Variants in SWSAP1 observed in about 807,000 individuals in gnomAD.
SWSAP1 encodes SWIM-type zinc finger 7 associated protein 1, also known as ATPase SWSAP1.
A neutral mutation model predicts 5.6 loss-of-function variants in SWSAP1; 4 were observed. That is an observed-to-expected ratio of 0.72 (90% CI 0.35 to 1.64). SWSAP1 has a LOEUF of 1.64. Among genes scored for constraint, SWSAP1 ranks in the 40% most tolerant of loss-of-function variants. SWSAP1 has a pLI of 0.05. For missense variants in SWSAP1, 354 were observed against 319.8 expected (o/e 1.11, Z -0.82); for synonymous variants, 139 against 143.3 (o/e 0.97, Z 0.22).
In SWSAP1 at chr19:11,374,863, G is replaced by A. The variant is rs1968257532; in HGVS notation, c.183G>A (p.Leu61=). 1 of 1,612,948 alleles carries A rather than the reference G, an allele frequency of 6.2e-7. No individual in the cohort carries two copies. Among genetic ancestry groups the A allele is most frequent in the African/African-American group, 1.3e-5 (1 of 74,908 alleles). The change falls in exon 1 of 2, where the codon CTG becomes CTA. Residue 61 remains leucine, a synonymous_variant. Transcript: ENST00000674460. The part of the protein sequence containing the change: ...AGEGQGPVLF[L]TRRPLQSMPR... ...AGGGCCAAGGCCCAGTCCTCTTCCT[G>A]ACACGAAGGCCTCTTCAAAGCATGC...
At chr19:11,375,437 A>C (rs1336361911) in intron 1 of SWSAP1, 76 bp from the exon 2 acceptor site, 3 of 1,525,480 alleles carry the variant, frequency 2.0e-6, no homozygotes, top group African/African-American at 1.4e-5. Context: ...GAAAGTATGC[A>C]AGGAGGCAGG....
chr19:11,375,803 G>A lies in SWSAP1; in HGVS notation c.540G>A (p.Gln180=), dbSNP rs1186822139. 2.5e-6 allele frequency: 4 copies of A among 1,614,062 alleles called. No individual in the cohort carries two copies. The Admixed American group carries it at 5.0e-5, about 20-fold the overall frequency. The change falls in exon 2 of 2, where the codon CAG becomes CAA. Residue 180 remains glutamine (Q), a synonymous_variant. Coordinates refer to ENST00000674460, the MANE Select transcript of SWSAP1 (RefSeq NM_175871.4). ...ACGTCCTGCACCTGGCACTGCTCCAGCGGTATTTTCCTGCCCAGTGCTGGC... is the reference window on the plus strand; with the variant it reads ...ACGTCCTGCACCTGGCACTGCTCCAACGGTATTTTCCTGCCCAGTGCTGGC... ...SGDVLHLALL[Q]RYFPAQCWLQ... is the part of the protein sequence containing the mutation.
In SWSAP1 at chr19:11,374,773, G is replaced by A; in HGVS notation, c.93G>A (p.Leu31=). ...NMPAAGPPLL[L]LGTPGSGKTA... ...CTGCCGCCGGACCGCCTTTGCTGCTGCTCGGTACACCAGGATCTGGAAAAA... is the reference window on the plus strand; with the variant it reads ...CTGCCGCCGGACCGCCTTTGCTGCTACTCGGTACACCAGGATCTGGAAAAA... The change falls in exon 1 of 2, where the codon CTG becomes CTA. Residue 31 remains leucine (L), a synonymous_variant. Transcript: ENST00000674460. The A allele has an allele frequency of 3.7e-6, 6 of 1,613,168 alleles. No homozygotes were observed. The highest frequency in any genetic ancestry group is 5.1e-6 in the Non-Finnish European group (6 of 1,179,806).
In SWSAP1 at chr19:11,375,554, C is replaced by A. The variant is rs778779252; in HGVS notation, c.291C>A (p.Phe97Leu). The change falls in exon 2 of 2, where the codon TTC becomes TTA. Residue 97 changes from phenylalanine to leucine, a missense_variant. By Grantham distance (22) the Phe-to-Leu change is conservative. Transcript: ENST00000674460. ...FQYPPSTREL[F>L]RLLCSAHEAP... ...ACCCACCCTCAACCCGAGAGCTTTT[C>A]CGGCTCCTGTGCTCTGCCCATGAGG... is the stretch of plus-strand genomic sequence containing the variant. The A allele has an allele frequency of 9.3e-6, 15 of 1,613,762 alleles. No individual in the cohort carries two copies. Among genetic ancestry groups the A allele is most frequent in the Non-Finnish European group, 1.7e-6 (2 of 1,179,798 alleles).
chr19:11,375,085 C>A, intron 1 of SWSAP1, 156 bp downstream of exon 1: 2 of 924,112 alleles, frequency 2.2e-6, no homozygotes, highest in Non-Finnish European at 3.3e-6. Flanking sequence ...TGAGGAGTGG[C>A]ACCACGCGGA....
At chr19:11,375,264 T>C (rs910993251) in intron 1 of SWSAP1, among the ~76,000 whole-genome samples, 2 of 151,924 alleles carry the variant, frequency 1.3e-5, no homozygotes, top group African/African-American at 4.8e-5. Flanking sequence ...CCGAGAATGC[T>C]GGGGGAGGGT....
At position 11,375,595 on chromosome 19, in the gene SWSAP1, C is replaced by T. The variant is rs767632624; in HGVS notation, c.332C>T (p.Pro111Leu). The change falls in exon 2 of 2, where the codon CCC (proline) becomes CTC (leucine). Residue 111 changes from proline (P) to leucine (L), a missense_variant. Physicochemically the swap from Pro to Leu is moderately conservative, Grantham distance 98. Transcript: ENST00000674460. ...GCCCATGAGGCCCCGGGGCCAGCCC[C>T]CTCCCTTCTGCTGCTCGACGGCCTA... ...CSAHEAPGPA[P>L]SLLLLDGLEE... 42 of 1,614,046 alleles carry T rather than the reference C, an allele frequency of 2.6e-5. No individual in the cohort carries two copies. The highest frequency in any genetic ancestry group is 2.0e-5 in the Non-Finnish European group (24 of 1,180,042).
Position 11,375,754 on chromosome 19 carries a change from C to T in SWSAP1, c.491C>T (p.Thr164Ile), listed in dbSNP as rs1432353773. 4 of 1,614,170 alleles carry T rather than the reference C, an allele frequency of 2.5e-6. No individual in the cohort carries two copies. In the Admixed American group the frequency reaches 5.0e-5, roughly 20 times the overall value. Residue 164 changes from threonine to isoleucine, a missense_variant, in exon 2 of 2, where the codon ACC (threonine) becomes ATC (isoleucine). Physicochemically the swap from Thr to Ile is moderately conservative, Grantham distance 89. Coordinates refer to ENST00000674460, the MANE Select transcript of SWSAP1 (RefSeq NM_175871.4). ...TGTGGGCTCATGGTGGCCCTCCAGACCCAGGAGGAAGCAGGTAGTGGGGAC... is the reference window on the plus strand; with the variant it reads ...TGTGGGCTCATGGTGGCCCTCCAGATCCAGGAGGAAGCAGGTAGTGGGGAC... ...RDCGLMVALQ[T>I]QEEAGSGDVL...
Position 11,374,892 on chromosome 19 carries a change from G to C in SWSAP1, c.212G>C (p.Arg71Pro), listed in dbSNP as rs966737377. The C allele has an allele frequency of 6.8e-6, 11 of 1,613,990 alleles. No individual in the cohort carries two copies. The highest frequency in any genetic ancestry group is 1.1e-5 in the South Asian group (1 of 91,086). The change falls in exon 1 of 2, where the codon CGC becomes CCC. Residue 71 changes from arginine (R) to proline (P), a missense_variant. Physicochemically the swap from Arg to Pro is moderately radical, Grantham distance 103 (BLOSUM62 -2). Coordinates refer to ENST00000674460, the MANE Select transcript of SWSAP1 (RefSeq NM_175871.4). ...LTRRPLQSMP[R>P]GTGTTLDPMR... ...CGAAGGCCTCTTCAAAGCATGCCCCGCGGGACCGGAACGACTCTAGACCCA... is the reference window on the plus strand; with the variant it reads ...CGAAGGCCTCTTCAAAGCATGCCCCCCGGGACCGGAACGACTCTAGACCCA...
chr19:11,375,392 T>A (rs1968264825), intron 1 of SWSAP1, 121 bp from the exon 2 acceptor site: 1 of 1,480,110 alleles, frequency 6.8e-7, no homozygotes, highest in Non-Finnish European at 9.0e-7. Context: ...ATAAGAATAT[T>A]TAACAGCTCT....
rs543788823 is a variant in SWSAP1, at chr19:11,375,556, G to C, written c.293G>C (p.Arg98Pro). Reference protein sequence around the residue: ...QYPPSTRELFRLLCSAHEAPG... With the variant: ...QYPPSTRELFPLLCSAHEAPG... Reference sequence around the variant, plus strand: ...CCACCCTCAACCCGAGAGCTTTTCCGGCTCCTGTGCTCTGCCCATGAGGCC... The same window carrying C: ...CCACCCTCAACCCGAGAGCTTTTCCCGCTCCTGTGCTCTGCCCATGAGGCC... The change falls in exon 2 of 2, where the codon CGG (arginine) becomes CCG (proline). Residue 98 changes from arginine to proline, a missense_variant. Coordinates refer to ENST00000674460, the MANE Select transcript of SWSAP1 (RefSeq NM_175871.4). The C allele has an allele frequency of 1.7e-5, 28 of 1,613,426 alleles. No individual in the cohort carries two copies. The highest frequency in any genetic ancestry group is 2.4e-5 in the Non-Finnish European group (28 of 1,179,744).
rs1274355231 is a variant in SWSAP1 at position 11,374,679 on chromosome 19, G to A, written c.-2G>A. ...CACCGATTGGTCAGAGCTACGCGGC[G>A]AATGGCGGAGACGCTGAGGCGGGTG... On this transcript the variant is annotated 5_prime_UTR_variant, in exon 1 of 2. Coordinates refer to ENST00000674460, the MANE Select transcript of SWSAP1 (RefSeq NM_175871.4). 7 of 1,520,378 alleles carry A rather than the reference G, an allele frequency of 4.6e-6. No individual in the cohort carries two copies. Among genetic ancestry groups the A allele is most frequent in the South Asian group, 2.5e-5 (2 of 80,922 alleles). The allele number at this position is 1,520,378 out of a possible 1,614,324, so 94.2% of individuals were successfully genotyped here.
Position 11,376,064 on chromosome 19 carries a change from A to C in SWSAP1, c.*48A>C, listed in dbSNP as rs1438207139. On this transcript the variant is annotated 3_prime_UTR_variant, in exon 2 of 2. Transcript: ENST00000674460. ...CTGTGCTTCAGTTTCCCATGGCTGG[A>C]ATACTTACCTCAGGGACATATGCAG... 4 of 1,488,164 alleles carry C rather than the reference A, an allele frequency of 2.7e-6. No individual in the cohort carries two copies. Among genetic ancestry groups the C allele is most frequent in the Non-Finnish European group, 3.6e-6 (4 of 1,109,956 alleles). 92.2% of individuals were successfully genotyped at this position (1,488,164 alleles called of 1,614,324 possible).
rs1263340038 is a variant in SWSAP1 at position 11,374,900 on chromosome 19, G to A, written c.220G>A (p.Gly74Arg). 4 of 1,613,922 alleles carry A rather than the reference G, an allele frequency of 2.5e-6. No homozygotes were observed. Among genetic ancestry groups the A allele is most frequent in the Non-Finnish European group, 3.4e-6 (4 of 1,180,022 alleles). The change falls in exon 1 of 2, where the codon GGA (glycine) becomes AGA (arginine). Residue 74 changes from glycine to arginine, a missense_variant. Physicochemically the swap from Gly to Arg is moderately radical, Grantham distance 125. Coordinates refer to ENST00000674460, the MANE Select transcript of SWSAP1 (RefSeq NM_175871.4). ...TCTTCAAAGCATGCCCCGCGGGACC[G>A]GAACGACTCTAGACCCAATGCGACT... ...RPLQSMPRGT[G>R]TTLDPMRLQK... is the part of the protein sequence containing the mutation.
At chr19:11,375,199 T>G (rs111613752) in intron 1 of SWSAP1, among the ~76,000 whole-genome samples, 2 of 152,200 alleles carry the variant, frequency 1.3e-5, no homozygotes, top group Non-Finnish European at 2.9e-5. Flanking sequence ...GGGGCTAAGC[T>G]TGGGTCCATT....
chr19:11,375,474 G>C (rs770180687), intron 1 of SWSAP1, 39 bp from the exon 2 acceptor site: 6 of 1,567,132 alleles, frequency 3.8e-6, no homozygotes, highest in Non-Finnish European at 5.2e-6. Context: ...CTGGCTTCCT[G>C]TGCTGAATCC....
rs1053924915 is a variant in SWSAP1 at position 11,374,677 on chromosome 19, G to A, written c.-4G>A. ...GCCACCGATTGGTCAGAGCTACGCG[G>A]CGAATGGCGGAGACGCTGAGGCGGG... On this transcript the variant is annotated 5_prime_UTR_variant, in exon 1 of 2. Transcript: ENST00000674460. 61 of 1,514,398 alleles carry A rather than the reference G, an allele frequency of 4.0e-5. No individual in the cohort carries two copies. In the African/African-American group the frequency reaches 7.5e-4, roughly 19 times the overall value. 93.8% of individuals were successfully genotyped at this position (1,514,398 alleles called of 1,614,324 possible).
At chr19:11,375,089 A>G (rs1176403458) in intron 1 of SWSAP1, among the ~76,000 whole-genome samples, 160 bp downstream of exon 1, 1 of 152,146 alleles carries the variant, frequency 6.6e-6, no homozygotes, top group African/African-American at 2.4e-5. Context: ...GAGTGGCACC[A>G]CGCGGAGCTT....
chr19:11,374,705 C>G lies in SWSAP1; in HGVS notation c.25C>G (p.Leu9Val), dbSNP rs761188033. Residue 9 changes from leucine to valine, a missense_variant, in exon 1 of 2, where the codon CTA becomes GTA. Transcript: ENST00000674460. The stretch of plus-strand genomic sequence containing the variant: ...AATGGCGGAGACGCTGAGGCGGGTG[C>G]TAACCAGGGGCGGTGCGGCCTGGTC... MAETLRRV[L>V]TRGGAAWSGE... 2.5e-6 allele frequency: 4 copies of G among 1,569,374 alleles called. No individual in the cohort carries two copies. The South Asian group carries it at 4.5e-5, about 18-fold the overall frequency.
Sources: allele counts gnomAD v4.1 joint callset (sites outside exome capture counted in the v4.1 genomes callset), GRCh38; gene constraint gnomAD v4.1.1; transcripts MANE v1.5; gene names NCBI Gene and HGNC (gene_info 2026-07-23, HGNC 2026-07-21).